Variants in MAGI1 observed in about 807,000 individuals in gnomAD.
MAGI1 encodes the protein membrane associated guanylate kinase, WW and PDZ domain containing 1.
A neutral mutation model predicts 139.9 loss-of-function variants in MAGI1; 58 were observed. The observed-to-expected ratio is 0.41, with a 90% CI of 0.34 to 0.52. MAGI1 has a LOEUF of 0.52. Ranked by LOEUF, MAGI1 falls within the 20% of genes least tolerant of loss-of-function variation. The probability of loss-of-function intolerance (pLI) is 0.12; values close to 1 mark genes in which losing one functional copy is unlikely to be tolerated. For synonymous variants in MAGI1, 812 were observed against 737.9 expected (o/e 1.10, Z -1.63); for missense variants, 1,874 against 1,901.6 (o/e 0.99, Z 0.27).
intron 2 of MAGI1, among the ~76,000 whole-genome samples, chr3:65,542,490 C>T (rs564429967): frequency 7.2e-5 from 11 of 152,316 alleles, no homozygotes; most frequent in African/African-American, 2.2e-4. Context: ...CATGACACTA[C>T]CTGACTTCAA....
intron 2 of MAGI1, among the ~76,000 whole-genome samples, chr3:65,566,479 T>C (rs2080654093): frequency 6.6e-6 from 1 of 151,974 alleles, no homozygotes; most frequent in Non-Finnish European, 1.5e-5. Flanking sequence ...TCTGTGATAG[T>C]TACATGTAAA....
At chr3:65,610,966 A>G (rs1223789648) in intron 2 of MAGI1, among the ~76,000 whole-genome samples, 1 of 133,648 alleles carries the variant, frequency 7.5e-6, no homozygotes, top group Non-Finnish European at 1.6e-5. Context: ...TATATAGTAT[A>G]TAGACACTAT....
At chr3:65,601,039 G>C (rs1400672751) in intron 2 of MAGI1, among the ~76,000 whole-genome samples, 1 of 152,182 alleles carries the variant, frequency 6.6e-6, no homozygotes, top group Non-Finnish European at 1.5e-5. Context: ...TGGGTGAATA[G>C]AGGGCATGGT....
At chr3:65,777,514 C>A (rs2038549350) in intron 1 of MAGI1, among the ~76,000 whole-genome samples, 1 of 151,954 alleles carries the variant, frequency 6.6e-6, no homozygotes, top group Non-Finnish European at 1.5e-5. Flanking sequence ...TTGCTTACAC[C>A]TGTAATTCCA....
rs368891791 is a variant in MAGI1, at chr3:65,719,327, G to T, written c.314-97239C>A. 2.7e-5 allele frequency among the ~76,000 whole-genome samples: 4 copies of T among 150,810 alleles called. No individual in the cohort carries two copies. The East Asian group carries it at 7.8e-4, about 29-fold the overall frequency. On this transcript the variant is annotated intron_variant, in intron 1 of 22. Transcript: ENST00000402939. ...TGTATATACATATATATATATCTGG[G>T]CTTACCATATATACATTTTTGTAGA...
At chr3:65,458,290 A>C (rs118115767) in intron 5 of MAGI1, among the ~76,000 whole-genome samples, 1 of 151,494 alleles carries the variant, frequency 6.6e-6, no homozygotes, top group East Asian at 1.9e-4. Context: ...CAATATACTG[A>C]TTTCCTTTAG....
At chr3:65,586,723 T>C (rs1414705531) in intron 2 of MAGI1, among the ~76,000 whole-genome samples, 3 of 151,772 alleles carry the variant, frequency 2.0e-5, no homozygotes, top group Non-Finnish European at 4.4e-5. Flanking sequence ...GTATTCTTAA[T>C]GACAAAATGT....
chr3:65,555,692 C>CA (rs2080051522), intron 2 of MAGI1, among the ~76,000 whole-genome samples: 1 of 151,976 alleles, frequency 6.6e-6, no homozygotes, highest in African/African-American at 2.4e-5. Context: ...CCCGTCTCTA[C>CA]AAAAAAATAA....
chr3:65,792,176 A>C lies in MAGI1; in HGVS notation c.314-170088T>G, dbSNP rs552824902. Among the ~76,000 whole-genome samples the C allele has an allele frequency of 4.6e-5, 7 of 152,330 alleles. No individual in the cohort carries two copies. The South Asian group carries it at 1.5e-3, about 32-fold the overall frequency. On this transcript the variant is annotated intron_variant, in intron 1 of 22. Transcript: ENST00000402939. ...ACTAATAAAATAGCCATTAATAATT[A>C]ATAGCAAGCCAGAAGCAGTGGCTCA...
chr3:65,682,843 C>T (rs2087689817), intron 1 of MAGI1, among the ~76,000 whole-genome samples: 2 of 152,106 alleles, frequency 1.3e-5, no homozygotes, highest in South Asian at 4.1e-4. Context: ...AGTGAAAATA[C>T]TGTGTATGAC....
intron 2 of MAGI1, among the ~76,000 whole-genome samples, chr3:65,617,204 G>C (rs926011415): frequency 2.6e-5 from 4 of 152,180 alleles, no homozygotes; most frequent in Non-Finnish European, 5.9e-5. Context: ...ATTGGGAAGA[G>C]CCTTGATGAA....
chr3:65,992,118 G>A lies in MAGI1; in HGVS notation c.313+45878C>T, dbSNP rs1485088152. Among the ~76,000 whole-genome samples, 8 of 152,180 alleles carry A rather than the reference G, an allele frequency of 5.3e-5. No individual in the cohort carries two copies. The South Asian group carries it at 1.7e-3, about 32-fold the overall frequency. On this transcript the variant is annotated intron_variant, in intron 1 of 22. Transcript: ENST00000402939. Reference sequence around the variant, plus strand: ...GGTTTGGGTGCCAGAGAAAGTCGGAGTTTGGTCATGGGTAAGTTAACCTCA... The same window carrying A: ...GGTTTGGGTGCCAGAGAAAGTCGGAATTTGGTCATGGGTAAGTTAACCTCA...
chr3:65,794,382 G>A (rs2039984847), intron 1 of MAGI1, among the ~76,000 whole-genome samples: 1 of 152,166 alleles, frequency 6.6e-6, no homozygotes, highest in Non-Finnish European at 1.5e-5. Context: ...TTCTGAGGAA[G>A]CTCAGGACCT....
chr3:65,528,539 A>C (rs1270647737), intron 2 of MAGI1, among the ~76,000 whole-genome samples: 1 of 152,224 alleles, frequency 6.6e-6, no homozygotes. Context: ...TCACAGAACC[A>C]TCTGCATCTC....
At chr3:65,690,511 A>G (rs935919045) in intron 1 of MAGI1, among the ~76,000 whole-genome samples, 2 of 151,934 alleles carry the variant, frequency 1.3e-5, no homozygotes, top group Non-Finnish European at 2.9e-5. Flanking sequence ...CAGTCTTGCT[A>G]TGTCACTCAG....
At chr3:65,865,284 A>C (rs1235850728) in intron 1 of MAGI1, among the ~76,000 whole-genome samples, 1 of 152,200 alleles carries the variant, frequency 6.6e-6, no homozygotes, top group African/African-American at 2.4e-5. Flanking sequence ...GAAAAATCCT[A>C]AACGGCACCT....
At chr3:65,551,339 C>G (rs2079821238) in intron 2 of MAGI1, among the ~76,000 whole-genome samples, 2 of 152,152 alleles carry the variant, frequency 1.3e-5, no homozygotes, top group Admixed American at 1.3e-4. Context: ...CTCACACGGT[C>G]ACCCAGGCTG....
intron 1 of MAGI1, among the ~76,000 whole-genome samples, chr3:65,840,390 C>G (rs1036309576): frequency 1.3e-5 from 2 of 152,076 alleles, no homozygotes; most frequent in Non-Finnish European, 2.9e-5. Context: ...AATGATAGCT[C>G]CAGGTTTTAT....
chr3:65,429,461 A>T lies in MAGI1; in HGVS notation c.2167+59T>A. The stretch of plus-strand genomic sequence containing the variant: ...CCCAGTGGTCATCTGAAGATGAGTA[A>T]GTTAAGCAATGAATTTGGGATAAAA... On this transcript the variant is annotated intron_variant, in intron 12 of 22. Transcript: ENST00000402939. The T allele has an allele frequency of 3.3e-6, 5 of 1,503,006 alleles. No individual in the cohort carries two copies. The South Asian group carries it at 6.6e-5, about 20-fold the overall frequency. The allele number at this position is 1,503,006 out of a possible 1,614,324, so 93.1% of individuals were successfully genotyped here. A position where few individuals can be genotyped will look rare whatever the true frequency, so the allele number is the denominator to read the frequency against.
Sources: allele counts gnomAD v4.1 joint callset (sites outside exome capture counted in the v4.1 genomes callset), GRCh38; gene constraint gnomAD v4.1.1; transcripts MANE v1.5; gene names NCBI Gene and HGNC (gene_info 2026-07-23, HGNC 2026-07-21).